Variants in MGMT observed in about 807,000 individuals in gnomAD.
The protein encoded by MGMT is methylated-DNA--protein-cysteine methyltransferase.
In MGMT, 14 loss-of-function variants were observed where a neutral mutation model predicts 15.9. That is an observed-to-expected ratio of 0.88 (90% confidence interval 0.58 to 1.37). The LOEUF is 1.37. MGMT is among the 40% of genes most tolerant of loss of function. The probability of loss-of-function intolerance (pLI) is 0.00; values close to 1 mark genes in which losing one functional copy is unlikely to be tolerated. For missense variants in MGMT, 282 were observed against 268.1 expected, an observed-to-expected ratio of 1.05 and a Z score of -0.36; for synonymous variants, 130 against 118.2, an observed-to-expected ratio of 1.10 and a Z score of -0.65.
chr10:129,760,842 C>G (rs1848864225), intron 4 of MGMT, among the ~76,000 whole-genome samples: 2 of 152,206 alleles, frequency 1.3e-5, no homozygotes, highest in African/African-American at 4.8e-5. Flanking sequence ...TTCCTGTCCT[C>G]AGTTTTGGTG....
rs185823239 is a variant in MGMT, at chr10:129,728,573, G to T, written c.274+20530G>T. ...ACCCAGCCCTCTCATGGCCCGCTGTGTGGCATGTGCTGCTCCCTGGCTCTT... is the reference window on the plus strand; with the variant it reads ...ACCCAGCCCTCTCATGGCCCGCTGTTTGGCATGTGCTGCTCCCTGGCTCTT... On this transcript the variant is annotated intron_variant, in intron 3 of 4. Transcript: ENST00000651593. Among the ~76,000 whole-genome samples the T allele has an allele frequency of 5.3e-5, 8 of 152,202 alleles. No individual in the cohort carries two copies. In the East Asian group the frequency reaches 1.4e-3, roughly 26 times the overall value.
chr10:129,768,008 A>T lies in MGMT; in HGVS notation c.*1011A>T, dbSNP rs767062146. 18 of 152,260 alleles carry T rather than the reference A, an allele frequency of 1.2e-4. No individual in the cohort carries two copies. Among genetic ancestry groups the T allele is most frequent in the Non-Finnish European group, 2.2e-4 (15 of 68,048 alleles). The allele number at this position is 152,260 out of a possible 1,614,324, so 9.4% of individuals were successfully genotyped here. On this transcript the variant is annotated 3_prime_UTR_variant, in exon 5 of 5. Coordinates refer to ENST00000651593, the MANE Select transcript of MGMT (RefSeq NM_002412.5). ...GGGAAACCTGTAGCTCTGCATATGG[A>T]GAAATAAAACAGAGCATATGATGTA...
At chr10:129,731,210 C>T (rs1848492556) in intron 3 of MGMT, among the ~76,000 whole-genome samples, 2 of 89,000 alleles carry the variant, frequency 2.2e-5, no homozygotes, top group South Asian at 1.1e-3. Flanking sequence ...CTGCCAGGCC[C>T]GGTCGGGCTC....
chr10:129,724,721 A>G (rs1848412261), intron 3 of MGMT, among the ~76,000 whole-genome samples: 1 of 152,214 alleles, frequency 6.6e-6, no homozygotes, highest in African/African-American at 2.4e-5. Context: ...AAACAAATAC[A>G]GGCTAAAATG....
Position 129,536,229 on chromosome 10 carries a change from A to G in MGMT, c.-12-12A>G, listed in dbSNP as rs202204863. 1.3e-5 allele frequency: 21 copies of G among 1,613,550 alleles called. No homozygotes were observed. Among genetic ancestry groups the G allele is most frequent in the Admixed American group, 6.7e-5 (4 of 59,834 alleles). On this transcript the variant is annotated splice_polypyrimidine_tract_variant and intron_variant, in intron 1 of 4. Coordinates refer to ENST00000651593, the MANE Select transcript of MGMT (RefSeq NM_002412.5). ...ACCTATACACTTTGTCTTAAAAATT[A>G]TTTCTGTTTAGGTACTTGGAAAAAT...
chr10:129,619,520 G>A (rs970530436), intron 2 of MGMT, among the ~76,000 whole-genome samples: 5 of 152,036 alleles, frequency 3.3e-5, no homozygotes, highest in Non-Finnish European at 7.4e-5. Context: ...AAAATGAACT[G>A]ATGTATTCTC....
chr10:129,702,546 G>A (rs896716763), intron 2 of MGMT, among the ~76,000 whole-genome samples: 1 of 152,156 alleles, frequency 6.6e-6, no homozygotes, highest in Admixed American at 6.5e-5. Context: ...GGGTTCAAGG[G>A]ATGGGATAGG....
intron 2 of MGMT, among the ~76,000 whole-genome samples, chr10:129,553,011 A>G (rs1307279505): frequency 6.6e-6 from 1 of 152,180 alleles, no homozygotes; most frequent in Non-Finnish European, 1.5e-5. Context: ...TTAATGAGGG[A>G]AAGTGGGAAA....
intron 3 of MGMT, among the ~76,000 whole-genome samples, chr10:129,749,629 G>A (rs1848731585): frequency 6.6e-6 from 1 of 152,126 alleles, no homozygotes; most frequent in Non-Finnish European, 1.5e-5. Context: ...AATCAGTAGA[G>A]TAAATACCTA....
intron 2 of MGMT, among the ~76,000 whole-genome samples, chr10:129,634,182 T>C (rs1175775215): frequency 6.6e-6 from 1 of 152,246 alleles, no homozygotes; most frequent in African/African-American, 2.4e-5. Flanking sequence ...CACTGCCCTC[T>C]TGCATGCATT....
chr10:129,765,898 C>T (rs1382814102), intron 4 of MGMT, among the ~76,000 whole-genome samples: 3 of 152,202 alleles, frequency 2.0e-5, no homozygotes, highest in African/African-American at 7.2e-5. Flanking sequence ...CCACAGGTGG[C>T]TCTCAGAGCT....
At chr10:129,602,331 G>A (rs1846833728) in intron 2 of MGMT, among the ~76,000 whole-genome samples, 2 of 152,112 alleles carry the variant, frequency 1.3e-5, no homozygotes, top group African/African-American at 4.8e-5. Context: ...AGCGAGGTTG[G>A]CATTTGAGAC....
At chr10:129,669,031 G>T (rs1847691351) in intron 2 of MGMT, among the ~76,000 whole-genome samples, 1 of 152,120 alleles carries the variant, frequency 6.6e-6, no homozygotes, top group African/African-American at 2.4e-5. Flanking sequence ...ATAATCTATT[G>T]TAAGTGTTAT....
intron 3 of MGMT, among the ~76,000 whole-genome samples, chr10:129,758,185 A>C (rs1309514406): frequency 6.6e-6 from 1 of 152,226 alleles, no homozygotes; most frequent in African/African-American, 2.4e-5. Flanking sequence ...ATTATTTAAC[A>C]CACATGTAAG....
chr10:129,745,490 CAG>C (rs1848684586), intron 3 of MGMT, among the ~76,000 whole-genome samples: 1 of 152,182 alleles, frequency 6.6e-6, no homozygotes, highest in Non-Finnish European at 1.5e-5. Flanking sequence ...TAAATGGAAT[CAG>C]ACAGTATTTA....
chr10:129,616,817 C>T (rs959653994), intron 2 of MGMT, among the ~76,000 whole-genome samples: 1 of 152,068 alleles, frequency 6.6e-6, no homozygotes. Context: ...TTGCAGATAG[C>T]GGTGAGGTGG....
chr10:129,488,026 C>T (rs965896171), intron 1 of MGMT, among the ~76,000 whole-genome samples: 4 of 151,460 alleles, frequency 2.6e-5, no homozygotes, highest in Non-Finnish European at 5.9e-5. Flanking sequence ...CACACACACA[C>T]ACACACACAC....
At chr10:129,731,497 A>G (rs909712399) in intron 3 of MGMT, among the ~76,000 whole-genome samples, 1 of 150,820 alleles carries the variant, frequency 6.6e-6, no homozygotes, top group African/African-American at 2.4e-5. Flanking sequence ...TACACCCTGC[A>G]TATGCCGGCT....
At chr10:129,552,073 T>C (rs1846163474) in intron 2 of MGMT, among the ~76,000 whole-genome samples, 2 of 152,168 alleles carry the variant, frequency 1.3e-5, no homozygotes, top group African/African-American at 2.4e-5. Flanking sequence ...CTCATGGTTA[T>C]GGGCCAAAAA....
Sources: gnomAD v4.1 joint callset for allele counts (sites outside exome capture counted in the v4.1 genomes callset) on GRCh38, gnomAD v4.1.1 for gene constraint, MANE v1.5 for transcripts, NCBI Gene and HGNC (gene_info 2026-07-23, HGNC 2026-07-21) for gene names.